The following XPC variants were observed in gnomAD, a reference collection of about 807,000 sequenced individuals.
XPC encodes DNA repair protein complementing XP-C cells.
A neutral mutation model predicts 95.8 loss-of-function variants in XPC; 76 were observed. The observed-to-expected ratio is 0.79, with a 90% CI of 0.66 to 0.96. The LOEUF (loss-of-function observed/expected upper bound fraction) is 0.96, where lower values mean the gene tolerates loss of function less well. Among genes scored for constraint, XPC ranks in the 40% least tolerant of loss-of-function variants. The pLI is 0.00. For synonymous variants in XPC, 442 were observed against 442.1 expected, an observed-to-expected ratio of 1.00 and a Z score of 0.00; for missense variants, 1,146 against 1,179.8, an observed-to-expected ratio of 0.97 and a Z score of 0.42.
At chr3:14,148,527 C>G in intron 13 of XPC, 35 bp downstream of exon 13, 5 of 1,609,552 alleles carry the variant, frequency 3.1e-6, no homozygotes, top group Non-Finnish European at 4.2e-6. Context: ...CTCCCCATCC[C>G]TGTGTTTAGC....
chr3:14,147,727 G>A, intron 14 of XPC, 181 bp downstream of exon 14: 1 of 621,688 alleles, frequency 1.6e-6, no homozygotes, highest in Admixed American at 2.9e-5. Context: ...GACAGTGATA[G>A]TCTGCGGGGT....
chr3:14,147,199 G>C, intron 15 of XPC, 91 bp downstream of exon 15: 1 of 1,334,860 alleles, frequency 7.5e-7, no homozygotes, highest in East Asian at 2.5e-5. Context: ...CTGACTTGAG[G>C]CTGGGGCAGA....
intron 7 of XPC, among the ~76,000 whole-genome samples, chr3:14,162,883 A>T (rs1487671189): frequency 1.3e-5 from 2 of 152,234 alleles, no homozygotes; most frequent in African/African-American, 2.4e-5. Flanking sequence ...TAGGTAACTA[A>T]TATCCAGAAT....
intron 10 of XPC, chr3:14,153,279 C>G (rs1695771118): frequency 6.6e-6 from 1 of 152,226 alleles, no homozygotes; most frequent in Non-Finnish European, 1.5e-5. Context: ...GTCACTTTAC[C>G]TTCCTGAGCC....
At chr3:14,172,625 C>T (rs1037911433) in intron 2 of XPC, among the ~76,000 whole-genome samples, 1 of 152,126 alleles carries the variant, frequency 6.6e-6, no homozygotes, top group African/African-American at 2.4e-5. Flanking sequence ...GTCAGAAGAC[C>T]TGGGTTCTCC....
chr3:14,159,699 C>A, intron 8 of XPC, 42 bp downstream of exon 8: 1 of 1,507,906 alleles, frequency 6.6e-7, no homozygotes, highest in South Asian at 1.2e-5. Context: ...TGACAATTTC[C>A]TGTCAATTGC....
chr3:14,169,923 G>GT (rs1438338251), intron 3 of XPC, among the ~76,000 whole-genome samples: 2 of 152,164 alleles, frequency 1.3e-5, no homozygotes, highest in African/African-American at 2.4e-5. Flanking sequence ...ACATTAGCTG[G>GT]TATTTACTGT....
intron 10 of XPC, 133 bp from the exon 11 acceptor site, chr3:14,152,549 G>A: frequency 1.3e-6 from 1 of 774,514 alleles, no homozygotes. Flanking sequence ...GAGCTCCTAG[G>A]GGGCCCAGAG....
intron 7 of XPC, among the ~76,000 whole-genome samples, chr3:14,163,300 A>G (rs1038687535): frequency 3.3e-5 from 5 of 152,244 alleles, no homozygotes; most frequent in African/African-American, 1.2e-4. Flanking sequence ...AAATATATGT[A>G]TAGACATTAT....
intron 11 of XPC, 123 bp downstream of exon 11, chr3:14,152,212 C>T: frequency 1.4e-6 from 1 of 735,696 alleles, no homozygotes; most frequent in Non-Finnish European, 2.2e-6. Flanking sequence ...GAAAGTGAGA[C>T]ATTTCTGATC....
Position 14,158,860 on chromosome 3 carries a change from C to T in XPC, c.1023G>A (p.Ala341=), listed in dbSNP as rs370847346. ...AAGTTTCTGAGGAGCCTCCTGGATC[C>T]GCAGTCAATCTTTCCTTGGAAGGTT... is the stretch of plus-strand genomic sequence containing the variant. ...GKKPSKERLT[A]DPGGSSETSS... Residue 341 remains alanine, a synonymous_variant, in exon 9 of 16, where the codon GCG becomes GCA. Transcript: ENST00000285021. This position sits in a 1 kb window ranked among gnomAD's most constrained non-coding sequence, Gnocchi z 5.2. 30 of 1,613,800 alleles carry T rather than the reference C, an allele frequency of 1.9e-5. 1 individual carries two copies. The highest frequency in any genetic ancestry group is 3.3e-5 in the South Asian group (3 of 91,080).
At chr3:14,171,605 G>A (rs560089726) in intron 2 of XPC, among the ~76,000 whole-genome samples, 2 of 152,348 alleles carry the variant, frequency 1.3e-5, no homozygotes, top group Non-Finnish European at 2.9e-5. Flanking sequence ...AGCACTTTGG[G>A]AGGCTGAGCA....
At chr3:14,175,678 T>C (rs868744648) in intron 1 of XPC, among the ~76,000 whole-genome samples, 1 of 152,212 alleles carries the variant, frequency 6.6e-6, no homozygotes, top group Non-Finnish European at 1.5e-5. Context: ...AAGGAAATCA[T>C]GTGGAAGCCT....
intron 10 of XPC, chr3:14,152,867 AAAGG>A (rs1290644621): frequency 1.9e-5 from 3 of 155,462 alleles, no homozygotes; most frequent in African/African-American, 7.2e-5. Context: ...CAGTGAACCC[AAAGG>A]AAGGCTGCAG....
At chr3:14,156,920 C>G (rs1051633674) in intron 9 of XPC, among the ~76,000 whole-genome samples, 16 of 152,362 alleles carry the variant, frequency 1.1e-4, no homozygotes, top group African/African-American at 3.6e-4. Flanking sequence ...CACCCTGCGA[C>G]TTTTCTCTTC....
intron 1 of XPC, among the ~76,000 whole-genome samples, chr3:14,176,071 A>G (rs913047522): frequency 1.3e-5 from 2 of 152,158 alleles, no homozygotes; most frequent in African/African-American, 4.8e-5. Flanking sequence ...ACTCACAGCC[A>G]CCCCGCAAGG....
chr3:14,164,768 G>C, intron 7 of XPC, 45 bp downstream of exon 7: 1 of 1,590,558 alleles, frequency 6.3e-7, no homozygotes, highest in Non-Finnish European at 8.6e-7. Context: ...ATTATCATTA[G>C]TTAACAGTAC....
chr3:14,149,423 TG>T (rs1695594172), intron 11 of XPC: 1 of 159,464 alleles, frequency 6.3e-6, no homozygotes, highest in African/African-American at 2.4e-5. Flanking sequence ...CTAACATTTA[TG>T]GAACATTCTC....
chr3:14,146,193 G>A (rs750551478), intron 15 of XPC, 34 bp from the exon 16 acceptor site: 6 of 1,565,548 alleles, frequency 3.8e-6, no homozygotes, highest in Admixed American at 3.7e-5. Context: ...GGACACAGGC[G>A]AGGGTTAGTA....
Sources: gnomAD v4.1 joint callset for allele counts (sites outside exome capture counted in the v4.1 genomes callset) on GRCh38, gnomAD v4.1.1 for gene constraint, Gnocchi (gnomAD v3.1) non-coding constraint, MANE v1.5 for transcripts, NCBI Gene and HGNC (gene_info 2026-07-23, HGNC 2026-07-21) for gene names.